Variants in KCNH4 observed in about 807,000 individuals in gnomAD.
KCNH4 encodes the protein potassium voltage-gated channel subfamily H member 4.
Under a neutral mutation model 90.7 loss-of-function variants are expected in KCNH4, and 33 were observed. The observed-to-expected ratio is 0.36, with a 90% CI of 0.28 to 0.49. The LOEUF is 0.49. Ranked by LOEUF, KCNH4 falls within the 20% of genes least tolerant of loss-of-function variation. KCNH4 has a pLI of 0.98. For missense variants in KCNH4, 1,044 were observed against 1,387.1 expected (o/e 0.75, Z 3.93); for synonymous variants, 551 against 581.7 (o/e 0.95, Z 0.76).
At position 42,163,954 on chromosome 17, in the gene KCNH4, C is replaced by T. The variant is rs763868070; in HGVS notation, c.2129G>A (p.Arg710His). 1.5e-4 allele frequency: 229 copies of T among 1,533,818 alleles called. No homozygotes were observed. The highest frequency in any genetic ancestry group is 1.0e-4 in the Non-Finnish European group (116 of 1,140,794). ...FSRSPRLSQPRSESLGSSSDK... is the reference protein window; with the variant it reads ...FSRSPRLSQPHSESLGSSSDK... ...TGAGGAGGAGCCGAGGCTTTCTGAG[C>T]GGGGCTGCGGGCAGAGGGGGCAGCT... The change falls in exon 13 of 17, where the codon CGC becomes CAC. Residue 710 changes from arginine to histidine, a missense_variant. By Grantham distance (29) the Arg-to-His change is conservative. Coordinates refer to ENST00000264661, the MANE Select transcript of KCNH4 (RefSeq NM_012285.3). The surrounding 1 kb of genome is among the most constrained non-coding windows in gnomAD (Gnocchi z 5.4).
At position 42,170,115 on chromosome 17, in the gene KCNH4, A is replaced by G; in HGVS notation, c.1382T>C (p.Leu461Pro). Residue 461 changes from leucine (L) to proline (P), a missense_variant, in exon 8 of 17, where the codon CTC (leucine) becomes CCC (proline). Around this residue, in one of 4 missense-constraint regions of KCNH4, gnomAD observed 318 missense variants for 479.6 expected, o/e 0.66. Coordinates refer to ENST00000264661, the MANE Select transcript of KCNH4 (RefSeq NM_012285.3). The part of the protein sequence containing the change: ...AEKIFSICTM[L>P]IGALMHAVVF... The stretch of plus-strand genomic sequence containing the variant: ...GGCAGGTCTGGCCTCACCGCCTATG[A>G]GCATCGTGCAGATGGAGAAGATCTT... 1 of 1,606,462 alleles carries G rather than the reference A, an allele frequency of 6.2e-7. No individual in the cohort carries two copies. Among genetic ancestry groups the G allele is most frequent in the Non-Finnish European group, 8.5e-7 (1 of 1,175,994 alleles).
At position 42,170,224 on chromosome 17, in the gene KCNH4, C is replaced by A; in HGVS notation, c.1273G>T (p.Ala425Ser). Residue 425 changes from alanine (A) to serine (S), a missense_variant, in exon 8 of 17, where the codon GCC becomes TCC. Around this residue, in one of 4 missense-constraint regions of KCNH4, gnomAD observed 318 missense variants for 479.6 expected, o/e 0.66. Coordinates refer to ENST00000264661, the MANE Select transcript of KCNH4 (RefSeq NM_012285.3). ...GTGAAGTACAGTGCCGCGATGTAGG[C>A]GCTGCGCCGTGATGGGCCGCCCACC... ...GSVGGPSRRS[A>S]YIAALYFTLS... 6.2e-7 allele frequency: 1 copy of A among 1,611,634 alleles called. No homozygotes were observed. The highest frequency in any genetic ancestry group is 1.3e-5 in the African/African-American group (1 of 75,044).
chr17:42,166,250 C>T lies in KCNH4; in HGVS notation c.1840+47G>A, dbSNP rs201754101. ...ATTCCCAAGTCCTCAGTGGGGGTTG[C>T]GGGGGGTGGTTCCAGGGTAGGTAGT... On this transcript the variant is annotated intron_variant, in intron 10 of 16. Transcript: ENST00000264661. 4.9e-4 allele frequency: 756 copies of T among 1,537,412 alleles called. 8 individuals carry two copies. The African/African-American group carries it at 8.6e-3, about 18-fold the overall frequency.
In KCNH4 at chr17:42,177,993, C is replaced by T. The variant is rs956709906; in HGVS notation, c.585+107G>A. 3.4e-6 allele frequency: 5 copies of T among 1,457,850 alleles called. No homozygotes were observed. The African/African-American group carries it at 5.6e-5, about 16-fold the overall frequency. The allele number at this position is 1,457,850 out of a possible 1,614,324, so 90.3% of individuals were successfully genotyped here. A position where few individuals can be genotyped will look rare whatever the true frequency, so the allele number is the denominator to read the frequency against. ...GGAAATGGGTGGGCAGAGGAGCAAG[C>T]CAAGGAGGGACACCAGACAGACAGG... On this transcript the variant is annotated intron_variant, in intron 4 of 16. Coordinates refer to ENST00000264661, the MANE Select transcript of KCNH4 (RefSeq NM_012285.3).
In KCNH4 at chr17:42,163,517, G is replaced by A; in HGVS notation, c.2477+89C>T. On this transcript the variant is annotated intron_variant, in intron 13 of 16. Coordinates refer to ENST00000264661, the MANE Select transcript of KCNH4 (RefSeq NM_012285.3). The surrounding 1 kb of genome is among the most constrained non-coding windows in gnomAD (Gnocchi z 5.4). ...GGCACACGGGCAGAGACGGAATGTA[G>A]CACTGTTTGGAACGCCAGGGATAGA... 1 of 763,710 alleles carries A rather than the reference G, an allele frequency of 1.3e-6. No individual in the cohort carries two copies. Among genetic ancestry groups the A allele is most frequent in the Non-Finnish European group, 2.1e-6 (1 of 465,584 alleles). 47.3% of individuals were successfully genotyped at this position (763,710 alleles called of 1,614,324 possible).
intron 3 of KCNH4, 51 bp from the exon 4 acceptor site, chr17:42,178,278 G>A (rs951364398): frequency 2.0e-5 from 33 of 1,614,028 alleles, no homozygotes; most frequent in Non-Finnish European, 2.7e-5. Context: ...CCTTGCGGCT[G>A]GTTAGGCGAA....
intron 10 of KCNH4, 93 bp downstream of exon 10, chr17:42,166,204 C>T: frequency 6.9e-7 from 1 of 1,450,298 alleles, no homozygotes; most frequent in Non-Finnish European, 9.3e-7. Context: ...GAGGGGTATC[C>T]CATTCCCTAG....
At chr17:42,164,960 G>A (rs570811113) in intron 11 of KCNH4, among the ~76,000 whole-genome samples, 1 of 151,902 alleles carries the variant, frequency 6.6e-6, no homozygotes, top group East Asian at 1.9e-4. Context: ...ACAAAAATTA[G>A]CAGGGTGTGG....
At chr17:42,172,069 T>C in intron 6 of KCNH4, 74 bp from the exon 7 acceptor site, 1 of 1,281,204 alleles carries the variant, frequency 7.8e-7, no homozygotes, top group Non-Finnish European at 1.1e-6. Context: ...TCCCAGGGCC[T>C]TCCCACCAGA....
At chr17:42,165,010 G>A (rs2079776825) in intron 11 of KCNH4, among the ~76,000 whole-genome samples, 1 of 151,870 alleles carries the variant, frequency 6.6e-6, no homozygotes, top group Non-Finnish European at 1.5e-5. Flanking sequence ...GAAGGCTGAG[G>A]CAGGAGAATT....
rs1019402612 is a variant in KCNH4 at position 42,180,682 on chromosome 17, C to A, written c.76+188G>T. 4.6e-5 allele frequency among the ~76,000 whole-genome samples: 7 copies of A among 152,084 alleles called. No homozygotes were observed. The highest frequency in any genetic ancestry group is 1.7e-4 in the African/African-American group (7 of 41,418). On this transcript the variant is annotated intron_variant, in intron 1 of 16. Transcript: ENST00000264661. The surrounding 1 kb of genome is among the most constrained non-coding windows in gnomAD (Gnocchi z 4.7). ...AACCTTGGCCCCCGTGCTCTCGGCCCTTTCCCCTCCTCCCCTCGCAGGGCA... is the reference window on the plus strand; with the variant it reads ...AACCTTGGCCCCCGTGCTCTCGGCCATTTCCCCTCCTCCCCTCGCAGGGCA...
At position 42,169,517 on chromosome 17, in the gene KCNH4, TG is replaced by T. The variant is rs1307740793; in HGVS notation, c.1549del (p.Gln517ArgfsTer23). On this transcript the variant is annotated frameshift_variant, in exon 9 of 17. Coordinates refer to ENST00000264661, the MANE Select transcript of KCNH4 (RefSeq NM_012285.3). LOFTEE classifies it high-confidence loss of function. ...GCCGCTGTTGACGGCCCACGTGGTC[TG>T]GAAGTATTCGAGCATGCGCTGCTTG... Reference protein sequence around the residue: ...PLKQRMLEYFQTTWAVNSGID... With the variant: ...PLKQRMLEYFXTTWAVNSGID... The T allele has an allele frequency of 6.2e-7, 1 of 1,613,314 alleles. No individual in the cohort carries two copies. Among genetic ancestry groups the T allele is most frequent in the East Asian group, 2.2e-5 (1 of 44,900 alleles).
chr17:42,157,795 T>G (rs1479935763), intron 16 of KCNH4, among the ~76,000 whole-genome samples: 2 of 151,598 alleles, frequency 1.3e-5, no homozygotes, highest in Non-Finnish European at 2.9e-5. Context: ...TGTATAGAGA[T>G]GGGTGGGGGG....
At position 42,170,255 on chromosome 17, in the gene KCNH4, A is replaced by G. The variant is rs1363918020; in HGVS notation, c.1242T>C (p.Asn414=). ...LGKRLEVPYV[N]GSVGGPSRRS... ...GCCGTGATGGGCCGCCCACCGAGCC[A>G]TTGACATAGGGCACCTCCAGACGCT... The change falls in exon 8 of 17, where the codon AAT becomes AAC. Residue 414 remains asparagine, a synonymous_variant. Transcript: ENST00000264661. 5.0e-6 allele frequency: 8 copies of G among 1,607,620 alleles called. No individual in the cohort carries two copies. The East Asian group carries it at 6.7e-5, about 13-fold the overall frequency.
intron 8 of KCNH4, 86 bp from the exon 9 acceptor site, chr17:42,169,762 G>A (rs536340352): frequency 7.2e-7 from 1 of 1,397,520 alleles, no homozygotes; most frequent in East Asian, 2.3e-5. Context: ...CCTGGACCAA[G>A]AGCCAGCGGG....
rs144714469 is a variant in KCNH4, at chr17:42,164,116, G to A, written c.2124+14C>T. ...CCCAGGGCAATTCAACCCCACCCAG[G>A]AAGTGGGTGTTACCTGGGAGAGGCG... On this transcript the variant is annotated intron_variant, in intron 12 of 16. Transcript: ENST00000264661. 16 of 1,550,304 alleles carry A rather than the reference G, an allele frequency of 1.0e-5. No individual in the cohort carries two copies. The East Asian group carries it at 3.7e-4, about 35-fold the overall frequency.
chr17:42,179,870 A>G lies in KCNH4; in HGVS notation c.77-844T>C, dbSNP rs189420224. On this transcript the variant is annotated intron_variant, in intron 1 of 16. Coordinates refer to ENST00000264661, the MANE Select transcript of KCNH4 (RefSeq NM_012285.3). ...CCCGAGCTGTCTCCCTCCAGCTCCA[A>G]TGGGTGGGAGGCCAGGGGGACTCCT... 3.9e-5 allele frequency among the ~76,000 whole-genome samples: 6 copies of G among 152,324 alleles called. No individual in the cohort carries two copies. In the East Asian group the frequency reaches 1.2e-3, roughly 29 times the overall value.
intron 1 of KCNH4, among the ~76,000 whole-genome samples, chr17:42,179,624 C>A (rs2079887546): frequency 6.6e-6 from 1 of 152,204 alleles, no homozygotes; most frequent in Non-Finnish European, 1.5e-5. Flanking sequence ...GACACCACAC[C>A]CATTTATTGA....
rs185103344 is a variant in KCNH4, at chr17:42,166,724, C to T, written c.1591-178G>A. Among the ~76,000 whole-genome samples the T allele has an allele frequency of 3.4e-4, 51 of 151,634 alleles. No homozygotes were observed. The South Asian group carries it at 8.3e-3, about 25-fold the overall frequency. ...TCAATTTTGCTTGCTGCATGTACCTCACAACCCAATTTCAGGGGCAGAGAC... is the reference window on the plus strand; with the variant it reads ...TCAATTTTGCTTGCTGCATGTACCTTACAACCCAATTTCAGGGGCAGAGAC... On this transcript the variant is annotated intron_variant, in intron 9 of 16. Coordinates refer to ENST00000264661, the MANE Select transcript of KCNH4 (RefSeq NM_012285.3).
Sources: gnomAD v4.1 joint callset for allele counts (sites outside exome capture counted in the v4.1 genomes callset) on GRCh38, gnomAD v4.1.1 for gene constraint, gnomAD v4.1.1 regional missense constraint, Gnocchi (gnomAD v3.1) non-coding constraint, MANE v1.5 for transcripts, NCBI Gene and HGNC (gene_info 2026-07-23, HGNC 2026-07-21) for gene names.